Variants in ARFGEF2 observed in about 807,000 individuals in gnomAD.
ARFGEF2 encodes brefeldin A-inhibited guanine nucleotide-exchange protein 2.
A neutral mutation model predicts 219.9 loss-of-function variants in ARFGEF2; 74 were observed. The ratio of observed to expected loss-of-function variants is 0.34; its 90% CI spans 0.28 to 0.41. The LOEUF (loss-of-function observed/expected upper bound fraction) is 0.41, where lower values mean the gene tolerates loss of function less well. Among genes scored for constraint, ARFGEF2 ranks in the 10% least tolerant of loss-of-function variants. The probability of loss-of-function intolerance (pLI) is 1.00; values close to 1 mark genes in which losing one functional copy is unlikely to be tolerated. For synonymous variants in ARFGEF2, 733 were observed against 799.2 expected, an observed-to-expected ratio of 0.92 and a Z score of 1.40; for missense variants, 1,743 against 2,218.3, an observed-to-expected ratio of 0.79 and a Z score of 4.30.
At chr20:48,938,036 T>C (rs1293378880) in intron 1 of ARFGEF2, among the ~76,000 whole-genome samples, 1 of 152,216 alleles carries the variant, frequency 6.6e-6, no homozygotes, top group Non-Finnish European at 1.5e-5. Flanking sequence ...CATATGCTTG[T>C]TCGAGAGTCG....
chr20:48,973,372 C>G, intron 12 of ARFGEF2, 88 bp downstream of exon 12: 1 of 1,386,828 alleles, frequency 7.2e-7, no homozygotes, highest in Non-Finnish European at 1.0e-6. Context: ...AGGCACTGTC[C>G]TTGATACAGC....
At chr20:49,032,339 C>T (rs2091640936) in intron 38 of ARFGEF2, among the ~76,000 whole-genome samples, 173 bp downstream of exon 38, 1 of 152,056 alleles carries the variant, frequency 6.6e-6, no homozygotes, top group Admixed American at 6.6e-5. Flanking sequence ...ATGGGTGCCA[C>T]AGGATATTAG....
intron 14 of ARFGEF2, among the ~76,000 whole-genome samples, chr20:48,982,880 G>A (rs921864040): frequency 6.6e-5 from 10 of 152,162 alleles, no homozygotes; most frequent in Non-Finnish European, 1.5e-4. Context: ...GGAGTGTCCC[G>A]ATTTTCCAGG....
intron 25 of ARFGEF2, among the ~76,000 whole-genome samples, chr20:49,002,985 T>TA (rs2091434593): frequency 9.1e-6 from 1 of 110,320 alleles, no homozygotes. Context: ...TTTTTTTTTT[T>TA]AGAGACGGAT....
intron 14 of ARFGEF2, among the ~76,000 whole-genome samples, chr20:48,978,000 T>C (rs973701601): frequency 6.6e-5 from 10 of 152,254 alleles, no homozygotes; most frequent in African/African-American, 2.4e-4. Context: ...CATTTGTCTA[T>C]TTTGGCTTTT....
chr20:48,998,543 A>C, intron 25 of ARFGEF2, 38 bp downstream of exon 25: 4 of 1,598,672 alleles, frequency 2.5e-6, no homozygotes, highest in Non-Finnish European at 3.4e-6. Flanking sequence ...CTGTTAAAAA[A>C]AAAAAAAAGT....
At chr20:49,032,927 G>A (rs943662008) in intron 38 of ARFGEF2, 96 bp from the exon 39 acceptor site, 2 of 1,192,650 alleles carry the variant, frequency 1.7e-6, no homozygotes, top group African/African-American at 3.0e-5. Flanking sequence ...CACCAATATT[G>A]TAATAAGTTC....
In ARFGEF2 at chr20:49,012,104, A is replaced by G. The variant is rs528672076; in HGVS notation, c.3918+20A>G. On this transcript the variant is annotated intron_variant, in intron 28 of 38. Coordinates refer to ENST00000371917, the MANE Select transcript of ARFGEF2 (RefSeq NM_006420.3). Reference sequence around the variant, plus strand: ...CCTCGGGTTCGTTTTTCCCCACCTTACTCAGATGGGCAGTGAAGGGAAAAG... The same window carrying G: ...CCTCGGGTTCGTTTTTCCCCACCTTGCTCAGATGGGCAGTGAAGGGAAAAG... The G allele has an allele frequency of 1.2e-6, 2 of 1,614,042 alleles. No homozygotes were observed. Among genetic ancestry groups the G allele is most frequent in the African/African-American group, 2.7e-5 (2 of 75,014 alleles).
chr20:48,992,173 AGTT>A (rs2091361050), intron 21 of ARFGEF2, among the ~76,000 whole-genome samples: 1 of 152,238 alleles, frequency 6.6e-6, no homozygotes, highest in South Asian at 2.1e-4. Context: ...TAAAATTACA[AGTT>A]GTTATAAGAG....
At chr20:48,922,138 C>T in intron 1 of ARFGEF2, 128 bp downstream of exon 1, 1 of 1,406,862 alleles carries the variant, frequency 7.1e-7, no homozygotes, top group Non-Finnish European at 9.5e-7. Flanking sequence ...CCCTTCCGGC[C>T]TCCTCCTCAT....
intron 38 of ARFGEF2, 99 bp from the exon 39 acceptor site, chr20:49,032,924 A>G (rs1274282027): frequency 8.5e-7 from 1 of 1,172,822 alleles, no homozygotes; most frequent in East Asian, 2.5e-5. Context: ...AAGCACCAAT[A>G]TTGTAATAAG....
chr20:48,996,539 C>T (rs1251895028), intron 23 of ARFGEF2, among the ~76,000 whole-genome samples: 3 of 151,658 alleles, frequency 2.0e-5, no homozygotes, highest in African/African-American at 7.3e-5. Flanking sequence ...GAAATCGAGA[C>T]CATCCTGGCC....
At chr20:48,937,710 G>A (rs1022828686) in intron 1 of ARFGEF2, among the ~76,000 whole-genome samples, 1 of 152,236 alleles carries the variant, frequency 6.6e-6, no homozygotes, top group Non-Finnish European at 1.5e-5. Flanking sequence ...CTTCCAGGTA[G>A]CAACTCTTTC....
chr20:48,953,000 T>A, intron 5 of ARFGEF2, 116 bp downstream of exon 5: 1 of 1,081,878 alleles, frequency 9.2e-7, no homozygotes, highest in Non-Finnish European at 1.4e-6. Flanking sequence ...CCCTTCTTCC[T>A]GTGGATTCTC....
rs1434190196 is a variant in ARFGEF2, at chr20:49,032,121, CTTG to C, written c.5142_5144del (p.Leu1717del). 4 of 1,613,880 alleles carry C rather than the reference CTTG, an allele frequency of 2.5e-6. No individual in the cohort carries two copies. The South Asian group carries it at 3.3e-5, about 13-fold the overall frequency. Reference sequence around the variant, plus strand: ...GCCATCGGGAGGCCTGGACAAGTCTCTTGTTGTTACTTCTAACTAAAACCCTCA... The same window carrying C: ...GCCATCGGGAGGCCTGGACAAGTCTCTTGTTACTTCTAACTAAAACCCTCA... On this transcript the variant is annotated inframe_deletion, in exon 38 of 39. Coordinates refer to ENST00000371917, the MANE Select transcript of ARFGEF2 (RefSeq NM_006420.3).
intron 23 of ARFGEF2, 47 bp downstream of exon 23, chr20:48,995,929 T>G (rs2091383263): frequency 6.5e-7 from 1 of 1,530,588 alleles, no homozygotes; most frequent in Non-Finnish European, 9.1e-7. Context: ...AGTGGTTTGG[T>G]GGCCTCTCTG....
In ARFGEF2 at chr20:49,018,758, A is replaced by G. The variant is rs2091545991; in HGVS notation, c.4510-126A>G. The G allele has an allele frequency of 2.7e-6, 2 of 732,658 alleles. 1 individual carries two copies. Among genetic ancestry groups the G allele is most frequent in the Middle Eastern group, 4.8e-4 (2 of 4,202 alleles). The allele number at this position is 732,658 out of a possible 1,614,324, so 45.4% of individuals were successfully genotyped here. On this transcript the variant is annotated intron_variant, in intron 33 of 38. Coordinates refer to ENST00000371917, the MANE Select transcript of ARFGEF2 (RefSeq NM_006420.3). ...CATGCTACATTAAGCATGTAGTATCATTTTATTTTGAGCTAAGCAAGGCAC... is the reference window on the plus strand; with the variant it reads ...CATGCTACATTAAGCATGTAGTATCGTTTTATTTTGAGCTAAGCAAGGCAC...
At chr20:49,001,372 C>G (rs1436515187) in intron 25 of ARFGEF2, among the ~76,000 whole-genome samples, 1 of 152,134 alleles carries the variant, frequency 6.6e-6, no homozygotes, top group African/African-American at 2.4e-5. Context: ...TTTCCACCAC[C>G]TTGGAAAGAT....
chr20:48,965,412 AATTCCCTTTTT>A (rs1185893883), intron 7 of ARFGEF2, among the ~76,000 whole-genome samples: 4 of 152,080 alleles, frequency 2.6e-5, no homozygotes, highest in African/African-American at 9.7e-5. Context: ...TCTTTATTTT[AATTCCCTTTTT>A]TCACATGGCT....
Sources: allele counts gnomAD v4.1 joint callset (sites outside exome capture counted in the v4.1 genomes callset), GRCh38; gene constraint gnomAD v4.1.1; transcripts MANE v1.5; gene names NCBI Gene and HGNC (gene_info 2026-07-23, HGNC 2026-07-21).